The following NCAM2 variants were observed in gnomAD, a reference collection of about 807,000 sequenced individuals.
NCAM2 encodes N-CAM-2.
A neutral mutation model predicts 98.1 loss-of-function variants in NCAM2; 30 were observed. The observed-to-expected ratio is 0.31, with a 90% CI of 0.23 to 0.41. NCAM2 has a LOEUF of 0.41. Ranked by LOEUF, NCAM2 falls within the 10% of genes least tolerant of loss-of-function variation. The probability of loss-of-function intolerance (pLI) is 1.00; values close to 1 mark genes in which losing one functional copy is unlikely to be tolerated. For synonymous variants in NCAM2, 368 were observed against 342.4 expected, an observed-to-expected ratio of 1.07 and a Z score of -0.83; for missense variants, 867 against 1,005.8, an observed-to-expected ratio of 0.86 and a Z score of 1.87.
At chr21:21,131,679 A>T (rs2066939324) in intron 1 of NCAM2, among the ~76,000 whole-genome samples, 1 of 152,206 alleles carries the variant, frequency 6.6e-6, no homozygotes, top group Non-Finnish European at 1.5e-5. Flanking sequence ...ATATACGTCA[A>T]TTACTACAAT....
At chr21:21,040,375 G>A (rs1055880186) in intron 1 of NCAM2, among the ~76,000 whole-genome samples, 1 of 152,096 alleles carries the variant, frequency 6.6e-6, no homozygotes, top group Non-Finnish European at 1.5e-5. Flanking sequence ...ATGACTTTAT[G>A]TGTGTGCGTG....
chr21:21,085,845 T>C (rs1297462384), intron 1 of NCAM2, among the ~76,000 whole-genome samples: 2 of 152,212 alleles, frequency 1.3e-5, no homozygotes, highest in Admixed American at 6.5e-5. Context: ...ATTTCAAAAA[T>C]GTTACATAAG....
chr21:21,079,109 G>A (rs2065740395), intron 1 of NCAM2, among the ~76,000 whole-genome samples: 1 of 152,144 alleles, frequency 6.6e-6, no homozygotes, highest in Non-Finnish European at 1.5e-5. Context: ...TCGCTGAAGG[G>A]TTGACAGGTG....
At chr21:21,161,603 G>C (rs563393696) in intron 1 of NCAM2, among the ~76,000 whole-genome samples, 5 of 151,694 alleles carry the variant, frequency 3.3e-5, no homozygotes, top group Non-Finnish European at 7.4e-5. Context: ...GAGAGAGAGA[G>C]AGCAAGATAA....
chr21:21,205,435 T>G (rs2069402948), intron 1 of NCAM2, among the ~76,000 whole-genome samples: 1 of 152,174 alleles, frequency 6.6e-6, no homozygotes, highest in East Asian at 1.9e-4. Context: ...TATATTATCT[T>G]TGTTTAAGAC....
At chr21:21,234,420 T>C (rs1208473053) in intron 1 of NCAM2, among the ~76,000 whole-genome samples, 9 of 151,952 alleles carry the variant, frequency 5.9e-5, no homozygotes, top group Admixed American at 5.9e-4. Flanking sequence ...TGTAAGAATA[T>C]ATATTAAATA....
At chr21:21,256,512 C>A (rs2071679294) in intron 1 of NCAM2, among the ~76,000 whole-genome samples, 1 of 152,140 alleles carries the variant, frequency 6.6e-6, no homozygotes. Flanking sequence ...TATGTTCTTG[C>A]AAATGCAGTG....
At position 21,508,847 on chromosome 21, in the gene NCAM2, T is replaced by TTTTTTAA; in HGVS notation, c.2078-4_2078-3insTTTTTAA. ...TTTTTTTTTTTTTTTTTTTACTTTTTAAGACACGCTGTTTAATGGTCTTGG... is the reference window on the plus strand; with the variant it reads ...TTTTTTTTTTTTTTTTTTTACTTTTTTTTTTAAAAGACACGCTGTTTAATGGTCTTGG... On this transcript the variant is annotated splice_polypyrimidine_tract_variant and splice_region_variant and intron_variant, in intron 15 of 17. Transcript: ENST00000400546. The TTTTTTAA allele has an allele frequency of 1.0e-6, 1 of 987,244 alleles. No homozygotes were observed. The highest frequency in any genetic ancestry group is 1.7e-5 in the South Asian group (1 of 59,404). 61.2% of individuals were successfully genotyped at this position (987,244 alleles called of 1,614,324 possible).
rs918684868 is a variant in NCAM2 at position 21,372,767 on chromosome 21, A to G, written c.1045-1096A>G. Among the ~76,000 whole-genome samples the G allele has an allele frequency of 2.6e-5, 4 of 151,870 alleles. No homozygotes were observed. The East Asian group carries it at 7.8e-4, about 29-fold the overall frequency. On this transcript the variant is annotated intron_variant, in intron 8 of 17. Coordinates refer to ENST00000400546, the MANE Select transcript of NCAM2 (RefSeq NM_004540.5). ...CACAGTGTCTGTTTTTCCAGAATTT[A>G]TGTTAATAATTTCAGGTATATTGAT...
At chr21:21,115,337 A>G (rs1309347068) in intron 1 of NCAM2, among the ~76,000 whole-genome samples, 1 of 152,158 alleles carries the variant, frequency 6.6e-6, no homozygotes, top group Admixed American at 6.5e-5. Context: ...ACCATTTAGA[A>G]TCCTTATTGT....
chr21:21,217,231 C>T (rs969269926), intron 1 of NCAM2, among the ~76,000 whole-genome samples: 1 of 152,024 alleles, frequency 6.6e-6, no homozygotes, highest in African/African-American at 2.4e-5. Flanking sequence ...TTTGTTATTG[C>T]TCAGTACAAG....
At chr21:21,081,599 G>A (rs3922477) in intron 1 of NCAM2, among the ~76,000 whole-genome samples, 129,896 of 152,028 alleles carry the variant, frequency 0.85, 56,487 homozygotes, top group South Asian at 0.96. Flanking sequence ...TCCGGAATTC[G>A]AGACCAGCCT....
chr21:21,108,419 A>T (rs1182432425), intron 1 of NCAM2, among the ~76,000 whole-genome samples: 1 of 152,122 alleles, frequency 6.6e-6, no homozygotes, highest in African/African-American at 2.4e-5. Context: ...TTGAAGCTGT[A>T]CTGAAGCTGT....
At chr21:21,524,050 A>G (rs1989181791) in intron 16 of NCAM2, among the ~76,000 whole-genome samples, 1 of 152,024 alleles carries the variant, frequency 6.6e-6, no homozygotes, top group Non-Finnish European at 1.5e-5. Context: ...ACACACACAC[A>G]CACACACACA....
chr21:21,205,533 C>CT (rs919350213), intron 1 of NCAM2, among the ~76,000 whole-genome samples: 6 of 151,924 alleles, frequency 3.9e-5, no homozygotes, highest in African/African-American at 1.5e-4. Flanking sequence ...AAAGCCTACA[C>CT]TTTTTTTCAT....
chr21:21,147,398 ACTCTG>A, intron 1 of NCAM2: 1 of 527,874 alleles, frequency 1.9e-6, no homozygotes, highest in Non-Finnish European at 2.4e-6. Flanking sequence ...CAGTCACTTC[ACTCTG>A]ATTTCATTTA....
intron 9 of NCAM2, among the ~76,000 whole-genome samples, chr21:21,375,556 T>C (rs932146122): frequency 2.0e-5 from 3 of 151,820 alleles, no homozygotes; most frequent in African/African-American, 7.2e-5. Context: ...CCTTTTTCCC[T>C]TAATAATTTT....
intron 4 of NCAM2, among the ~76,000 whole-genome samples, chr21:21,291,035 A>G (rs998477578): frequency 3.3e-5 from 1 of 30,706 alleles, no homozygotes; most frequent in African/African-American, 1.4e-4. Flanking sequence ...AGCAGTACAC[A>G]TTGGAACAGG....
chr21:21,351,406 C>T (rs2075336318), intron 8 of NCAM2, among the ~76,000 whole-genome samples: 1 of 151,634 alleles, frequency 6.6e-6, no homozygotes, highest in African/African-American at 2.4e-5. Flanking sequence ...AATTGGAAAC[C>T]CTGACCTCTT....
Sources: gnomAD v4.1 joint callset for allele counts (sites outside exome capture counted in the v4.1 genomes callset) on GRCh38, gnomAD v4.1.1 for gene constraint, MANE v1.5 for transcripts, NCBI Gene and HGNC (gene_info 2026-07-23, HGNC 2026-07-21) for gene names.